ARL8B: variants seen among roughly 807,000 people sequenced by gnomAD.
The protein encoded by ARL8B is ARF like GTPase 8B.
In ARL8B, 9 loss-of-function variants were observed where a neutral mutation model predicts 30.6. That is an observed-to-expected ratio of 0.29 (90% CI 0.18 to 0.51). The LOEUF (loss-of-function observed/expected upper bound fraction) is 0.51. ARL8B is among the 20% of genes least tolerant of loss of function. ARL8B has a pLI of 0.97. For missense variants in ARL8B, 130 were observed against 227.2 expected, an observed-to-expected ratio of 0.57 and a Z score of 2.75; for synonymous variants, 74 against 76.0, an observed-to-expected ratio of 0.97 and a Z score of 0.14.
intron 1 of ARL8B, among the ~76,000 whole-genome samples, chr3:5,131,589 C>T (rs1204442814): frequency 2.6e-5 from 4 of 151,830 alleles, no homozygotes; most frequent in African/African-American, 4.8e-5. Context: ...CAGGGTTTCA[C>T]GATGTTGGCC....
At chr3:5,138,465 C>G (rs987708109) in intron 1 of ARL8B, among the ~76,000 whole-genome samples, 4 of 152,078 alleles carry the variant, frequency 2.6e-5, no homozygotes, top group African/African-American at 9.7e-5. Context: ...GACCTTGTGA[C>G]CTTGACCTCA....
intron 1 of ARL8B, among the ~76,000 whole-genome samples, chr3:5,143,977 T>G (rs2054398368): frequency 6.6e-6 from 1 of 152,224 alleles, no homozygotes; most frequent in South Asian, 2.1e-4. Context: ...CAAGGCATTT[T>G]AGTTTCTAAG....
chr3:5,168,560 A>G (rs1336712534), intron 1 of ARL8B, among the ~76,000 whole-genome samples: 1 of 152,262 alleles, frequency 6.6e-6, no homozygotes, highest in Non-Finnish European at 1.5e-5. Flanking sequence ...CCCCTGAGAA[A>G]GCTCGGGGGT....
intron 1 of ARL8B, among the ~76,000 whole-genome samples, chr3:5,147,784 T>G (rs1051134329): frequency 3.9e-5 from 6 of 151,928 alleles, no homozygotes; most frequent in Non-Finnish European, 7.4e-5. Context: ...TGTTACAAAG[T>G]TAGCCTTCAA....
intron 1 of ARL8B, among the ~76,000 whole-genome samples, chr3:5,123,010 G>A (rs1024767782): frequency 1.3e-5 from 2 of 152,152 alleles, no homozygotes; most frequent in African/African-American, 4.8e-5. Flanking sequence ...ACGAGAAAGC[G>A]TAAGCATTAA....
At chr3:5,149,823 C>A (rs909000544) in intron 1 of ARL8B, among the ~76,000 whole-genome samples, 4 of 152,142 alleles carry the variant, frequency 2.6e-5, no homozygotes, top group African/African-American at 9.7e-5. Context: ...TTCTCACACC[C>A]CTAATCCCTA....
chr3:5,129,807 C>T (rs896531987), intron 1 of ARL8B, among the ~76,000 whole-genome samples: 33 of 152,156 alleles, frequency 2.2e-4, no homozygotes, highest in African/African-American at 8.0e-4. Context: ...TACTTGAAGC[C>T]AGGAGTTGAA....
rs1165009881 is a variant in ARL8B at position 5,140,646 on chromosome 3, TA to T, written c.123+18059del. On this transcript the variant is annotated intron_variant, in intron 1 of 6. Transcript: ENST00000256496. The stretch of plus-strand genomic sequence containing the variant: ...GTCTCCAGATTGCTTAAAACTGAAC[TA>T]GGGGTACAGTCCATAAGGAAAATAT... Among the ~76,000 whole-genome samples the T allele has an allele frequency of 1.1e-4, 16 of 151,906 alleles. 1 individual carries two copies. The South Asian group carries it at 3.3e-3, about 31-fold the overall frequency.
intron 1 of ARL8B, among the ~76,000 whole-genome samples, chr3:5,127,203 A>C (rs1031856421): frequency 1.3e-5 from 2 of 152,210 alleles, no homozygotes; most frequent in African/African-American, 4.8e-5. Flanking sequence ...GGTTAAGTGG[A>C]ATTCCAAGGC....
chr3:5,161,014 G>A (rs2106566567), intron 1 of ARL8B, among the ~76,000 whole-genome samples: 1 of 152,246 alleles, frequency 6.6e-6, no homozygotes, highest in South Asian at 2.1e-4. Flanking sequence ...TGCCTTCCAG[G>A]CTCAAGCCAT....
intron 1 of ARL8B, among the ~76,000 whole-genome samples, chr3:5,145,177 A>AT (rs1229255192): frequency 2.0e-5 from 3 of 152,002 alleles, no homozygotes; most frequent in South Asian, 2.1e-4. Context: ...TTTAGCTTTG[A>AT]TTTTGTATTC....
chr3:5,152,384 T>C (rs773403569), intron 1 of ARL8B, among the ~76,000 whole-genome samples: 1 of 152,356 alleles, frequency 6.6e-6, no homozygotes, highest in Middle Eastern at 3.4e-3. Context: ...TCTTCTGATA[T>C]TAAAATAATT....
At chr3:5,152,209 G>A (rs918913758) in intron 1 of ARL8B, among the ~76,000 whole-genome samples, 1 of 152,166 alleles carries the variant, frequency 6.6e-6, no homozygotes, top group Non-Finnish European at 1.5e-5. Flanking sequence ...AATTATAATT[G>A]TGGGTTTATT....
At chr3:5,147,933 C>T (rs988938861) in intron 1 of ARL8B, among the ~76,000 whole-genome samples, 6 of 150,478 alleles carry the variant, frequency 4.0e-5, no homozygotes, top group Non-Finnish European at 7.4e-5. Context: ...TAGGAGTGGA[C>T]TCTTTGATCC....
At position 5,179,665 on chromosome 3, in the gene ARL8B, TC is replaced by T. The variant is rs1030201581; in HGVS notation, c.*954del. 6.6e-6 allele frequency: 1 copy of T among 152,632 alleles called. No homozygotes were observed. The highest frequency in any genetic ancestry group is 1.5e-5 in the Non-Finnish European group (1 of 68,030). The allele number at this position is 152,632 out of a possible 1,614,324, so 9.5% of individuals were successfully genotyped here. On this transcript the variant is annotated 3_prime_UTR_variant, in exon 7 of 7. Transcript: ENST00000256496. ...CACTCTTAACTCCTGACTTTTTATA[TC>T]CAGTCATAAAGTTGACTTTCAGCAC...
At chr3:5,128,454 T>G (rs2054251726) in intron 1 of ARL8B, 2 of 454,236 alleles carry the variant, frequency 4.4e-6, no homozygotes. Flanking sequence ...TTGTTTTTCC[T>G]TGCAGACCAA....
At chr3:5,159,512 G>A (rs1474284623) in intron 1 of ARL8B, among the ~76,000 whole-genome samples, 2 of 146,608 alleles carry the variant, frequency 1.4e-5, no homozygotes, top group East Asian at 4.2e-4. Context: ...TGAGGCAGGA[G>A]AATCCCTTGA....
At chr3:5,143,649 T>C (rs2054395065) in intron 1 of ARL8B, among the ~76,000 whole-genome samples, 1 of 152,232 alleles carries the variant, frequency 6.6e-6, no homozygotes, top group South Asian at 2.1e-4. Context: ...GAGCACTTCA[T>C]AGGGACCTTC....
chr3:5,164,818 G>A (rs2054610469), intron 1 of ARL8B, among the ~76,000 whole-genome samples: 1 of 152,118 alleles, frequency 6.6e-6, no homozygotes, highest in Non-Finnish European at 1.5e-5. Context: ...ATCATGTACT[G>A]CTTTTAATTG....
Sources: allele counts gnomAD v4.1 joint callset (sites outside exome capture counted in the v4.1 genomes callset), GRCh38; gene constraint gnomAD v4.1.1; transcripts MANE v1.5; gene names NCBI Gene and HGNC (gene_info 2026-07-23, HGNC 2026-07-21).